CNOT4: variants seen among roughly 807,000 people sequenced by gnomAD.
The protein encoded by CNOT4 is CCR4-NOT transcription complex subunit 4.
Under a neutral mutation model 73.8 loss-of-function variants are expected in CNOT4, and 8 were observed. The observed-to-expected ratio is 0.11, with a 90% CI of 0.06 to 0.20. CNOT4 has a LOEUF of 0.20. Among genes scored for constraint, CNOT4 ranks in the 10% least tolerant of loss-of-function variants. CNOT4 has a pLI of 1.00. For synonymous variants in CNOT4, 293 were observed against 321.1 expected (o/e 0.91, Z 0.94); for missense variants, 564 against 883.4 (o/e 0.64, Z 4.58).
intron 8 of CNOT4, among the ~76,000 whole-genome samples, chr7:135,397,492 C>CT (rs1299079434): frequency 6.6e-6 from 1 of 151,564 alleles, no homozygotes; most frequent in Non-Finnish European, 1.5e-5. Context: ...TTTTAGATCT[C>CT]TAAGTTTTTC....
rs1563034884 is a variant in CNOT4 at position 135,414,385 on chromosome 7, A to G, written c.507T>C (p.Ala169=). The change falls in exon 5 of 12, where the codon GCT becomes GCC. Residue 169 remains alanine (A), a synonymous_variant. Transcript: ENST00000541284. The stretch of plus-strand genomic sequence containing the variant: ...TGTTGACACACTGTATGGCTCTGAG[A>G]GCGTCTTCTGACCGGATATAGGTTA... ...AYVTYIRSED[A]LRAIQCVNNV... The G allele has an allele frequency of 1.3e-6, 2 of 1,569,986 alleles. No homozygotes were observed. Among genetic ancestry groups the G allele is most frequent in the East Asian group, 2.2e-5 (1 of 44,564 alleles).
chr7:135,378,466 T>C (rs1162525628), intron 10 of CNOT4, among the ~76,000 whole-genome samples: 1 of 150,842 alleles, frequency 6.6e-6, no homozygotes, highest in Admixed American at 6.6e-5. Flanking sequence ...GTCGCACCAC[T>C]GCCCTCCAGC....
rs1436956269 is a variant in CNOT4 at position 135,415,183 on chromosome 7, C to A, written c.452G>T (p.Gly151Val). The A allele has an allele frequency of 6.3e-7, 1 of 1,589,884 alleles. No individual in the cohort carries two copies. ...VVINNSTSYA[G>V]SQGPSASAYV... is the part of the protein sequence containing the mutation. ...ATCCCTAAAATTAGTTACCTGTGAG[C>A]CTGCATATGATGTGCTATTATTGAT... Residue 151 changes from glycine to valine, a missense_variant, in exon 4 of 12, where the codon GGC becomes GTC. Physicochemically the swap from Gly to Val is moderately radical, Grantham distance 109 (BLOSUM62 -3). This residue lies in a region of CNOT4 where 76 missense variants were observed against 208.7 expected (regional missense o/e 0.36). Transcript: ENST00000541284.
chr7:135,472,455 C>A (rs1197210154), intron 1 of CNOT4, among the ~76,000 whole-genome samples: 1 of 110,894 alleles, frequency 9.0e-6, no homozygotes, highest in African/African-American at 3.6e-5. Context: ...CCAGCCCGGG[C>A]GACAGAGCGA....
intron 3 of CNOT4, among the ~76,000 whole-genome samples, chr7:135,415,823 T>C (rs1367127133): frequency 6.6e-6 from 1 of 152,186 alleles, no homozygotes; most frequent in African/African-American, 2.4e-5. Context: ...CAGTTTCCTA[T>C]GTCAATCAGT....
At chr7:135,505,158 C>T (rs1804280696) in intron 1 of CNOT4, among the ~76,000 whole-genome samples, 1 of 152,096 alleles carries the variant, frequency 6.6e-6, no homozygotes, top group Non-Finnish European at 1.5e-5. Context: ...ATACAAATAG[C>T]AAGACTTATC....
At chr7:135,505,506 C>T (rs988575800) in intron 1 of CNOT4, among the ~76,000 whole-genome samples, 2 of 152,062 alleles carry the variant, frequency 1.3e-5, no homozygotes, top group Non-Finnish European at 2.9e-5. Context: ...GAGCCGAGAT[C>T]GTGCAGCTAC....
chr7:135,408,240 T>A (rs544931410), intron 7 of CNOT4, among the ~76,000 whole-genome samples: 1 of 152,106 alleles, frequency 6.6e-6, no homozygotes, highest in Admixed American at 6.5e-5. Flanking sequence ...AAAGTCAACA[T>A]AACATACAAT....
At chr7:135,393,867 C>G (rs754495360) in intron 10 of CNOT4, 51 bp downstream of exon 10, 1 of 1,360,826 alleles carries the variant, frequency 7.3e-7, no homozygotes, top group Non-Finnish European at 1.0e-6. Flanking sequence ...CACCCAACAA[C>G]CTGAAAATAT....
intron 6 of CNOT4, 59 bp from the exon 7 acceptor site, chr7:135,410,707 CT>C (rs1411836450): frequency 1.6e-6 from 2 of 1,221,988 alleles, no homozygotes; most frequent in South Asian, 1.9e-5. Flanking sequence ...GTATAAAATA[CT>C]GAATAATCTT....
At chr7:135,429,833 C>T (rs1036735021) in intron 2 of CNOT4, among the ~76,000 whole-genome samples, 3 of 152,114 alleles carry the variant, frequency 2.0e-5, no homozygotes, top group Admixed American at 1.3e-4. Flanking sequence ...CCATAACTAC[C>T]CCAGCTTTCT....
rs371504271 is a variant in CNOT4 at position 135,453,989 on chromosome 7, C to CATAT, written c.-92-15570_-92-15567dup. Among the ~76,000 whole-genome samples, 899 of 133,964 alleles carry CATAT rather than the reference C, an allele frequency of 6.7e-3. 8 individuals carry two copies. The highest frequency in any genetic ancestry group is 0.018 in the African/African-American group (667 of 36,806). The allele number at this position is 133,964 out of a possible 152,430, so 87.9% of individuals were successfully genotyped here. A position where few individuals can be genotyped will look rare whatever the true frequency, so the allele number is the denominator to read the frequency against. ...CCTATCTCTATAAAAAATATATATA[C>CATAT]ATATATATATATATATATATTTGAT... On this transcript the variant is annotated intron_variant, in intron 1 of 11. Coordinates refer to ENST00000541284, the MANE Select transcript of CNOT4 (RefSeq NM_001190850.2).
chr7:135,397,139 C>G (rs1323392641), intron 8 of CNOT4, among the ~76,000 whole-genome samples: 1 of 151,784 alleles, frequency 6.6e-6, no homozygotes, highest in Non-Finnish European at 1.5e-5. Flanking sequence ...CAAGCAAAAA[C>G]TATATTGCAT....
At chr7:135,396,511 G>T (rs1796701318) in intron 8 of CNOT4, among the ~76,000 whole-genome samples, 1 of 152,228 alleles carries the variant, frequency 6.6e-6, no homozygotes, top group South Asian at 2.1e-4. Context: ...GCTCAAGAGT[G>T]AAAACTTTCC....
At chr7:135,473,626 A>G (rs1801787520) in intron 1 of CNOT4, among the ~76,000 whole-genome samples, 1 of 152,146 alleles carries the variant, frequency 6.6e-6, no homozygotes, top group Non-Finnish European at 1.5e-5. Flanking sequence ...GCACGCCTGT[A>G]GTCCCAGCTA....
At chr7:135,451,438 C>T (rs1800157366) in intron 1 of CNOT4, among the ~76,000 whole-genome samples, 1 of 152,090 alleles carries the variant, frequency 6.6e-6, no homozygotes, top group Admixed American at 6.5e-5. Context: ...GGATTACAGG[C>T]ATGCACCACC....
chr7:135,441,550 C>T (rs115963601), intron 1 of CNOT4, among the ~76,000 whole-genome samples: 3,047 of 152,198 alleles, frequency 0.02, 109 homozygotes, highest in African/African-American at 0.07. Context: ...ACTCAAATAT[C>T]GGTTCCAATA....
chr7:135,375,451 C>T (rs1008421815), intron 10 of CNOT4, among the ~76,000 whole-genome samples: 5 of 152,028 alleles, frequency 3.3e-5, no homozygotes, highest in African/African-American at 9.7e-5. Context: ...TAGCAAAGTA[C>T]GAAGCTCCTA....
rs1794777226 is a variant in CNOT4, at chr7:135,363,946, G to T, written c.1748C>A (p.Ala583Asp). The change falls in exon 11 of 12, where the codon GCC (alanine) becomes GAC (aspartate). Residue 583 changes from alanine (A) to aspartate (D), a missense_variant. Transcript: ENST00000541284. The surrounding 1 kb of genome is among the most constrained non-coding windows in gnomAD (Gnocchi z 4.3). ...GTTGGACGTTGGTGCACTGTGGTTG[G>T]CGTTGGAGGGGGAAGAAGAATTGGG... ...GLPNSSSPSN[A>D]NHSAPTSNTA... The T allele has an allele frequency of 1.9e-6, 3 of 1,598,408 alleles. No homozygotes were observed. Among genetic ancestry groups the T allele is most frequent in the Non-Finnish European group, 2.5e-6 (3 of 1,179,776 alleles).
Sources: gnomAD v4.1 joint callset for allele counts (sites outside exome capture counted in the v4.1 genomes callset) on GRCh38, gnomAD v4.1.1 for gene constraint, gnomAD v4.1.1 regional missense constraint, Gnocchi (gnomAD v3.1) non-coding constraint, MANE v1.5 for transcripts, NCBI Gene and HGNC (gene_info 2026-07-23, HGNC 2026-07-21) for gene names.